The following ADCY2 variants were observed in gnomAD, a reference collection of about 807,000 sequenced individuals.
ADCY2 encodes adenylate cyclase type 2.
In ADCY2, 31 loss-of-function variants were observed where a neutral mutation model predicts 125.2. The observed-to-expected ratio is 0.25, with a 90% confidence interval of 0.19 to 0.33. The LOEUF is 0.33. Ranked by LOEUF, ADCY2 falls within the 10% of genes least tolerant of loss-of-function variation. The pLI, the probability that ADCY2 is intolerant of heterozygous loss-of-function variation, is 1.00. For missense variants in ADCY2, 904 were observed against 1,418.2 expected, an observed-to-expected ratio of 0.64 and a Z score of 5.82; for synonymous variants, 512 against 548.4, an observed-to-expected ratio of 0.93 and a Z score of 0.93.
At chr5:7,809,861 T>C (rs1561026290) in intron 22 of ADCY2, among the ~76,000 whole-genome samples, 1 of 152,270 alleles carries the variant, frequency 6.6e-6, no homozygotes. Flanking sequence ...TTGCATTACA[T>C]GTAAGAACTG....
At chr5:7,768,807 A>G (rs890995277) in intron 17 of ADCY2, among the ~76,000 whole-genome samples, 1 of 152,218 alleles carries the variant, frequency 6.6e-6, no homozygotes. Flanking sequence ...TATCTTTCCA[A>G]TCATGAGGCC....
intron 3 of ADCY2, among the ~76,000 whole-genome samples, chr5:7,569,263 G>C (rs1264117681): frequency 6.6e-6 from 1 of 152,090 alleles, no homozygotes; most frequent in African/African-American, 2.4e-5. Flanking sequence ...ACAGAATCTG[G>C]ATAACAGAGA....
intron 22 of ADCY2, among the ~76,000 whole-genome samples, chr5:7,816,149 G>A (rs1346860007): frequency 1.3e-5 from 2 of 152,170 alleles, no homozygotes; most frequent in Non-Finnish European, 2.9e-5. Flanking sequence ...GAGAGACTGG[G>A]GTTAGGACTT....
At chr5:7,627,754 C>G (rs1001452522) in intron 4 of ADCY2, among the ~76,000 whole-genome samples, 8 of 152,148 alleles carry the variant, frequency 5.3e-5, no homozygotes. Flanking sequence ...GGTAATCATT[C>G]TTTTTTGAAA....
At chr5:7,771,149 A>G (rs1743544895) in intron 17 of ADCY2, among the ~76,000 whole-genome samples, 1 of 152,158 alleles carries the variant, frequency 6.6e-6, no homozygotes. Context: ...TAAGGTGACA[A>G]GGGCTGAACT....
At chr5:7,651,244 G>A (rs1739078332) in intron 4 of ADCY2, among the ~76,000 whole-genome samples, 1 of 152,186 alleles carries the variant, frequency 6.6e-6, no homozygotes, top group Non-Finnish European at 1.5e-5. Context: ...TTTCATGTCT[G>A]TATTAGTCAG....
intron 2 of ADCY2, among the ~76,000 whole-genome samples, chr5:7,474,897 T>C (rs941844420): frequency 1.3e-5 from 2 of 152,218 alleles, no homozygotes; most frequent in African/African-American, 4.8e-5. Flanking sequence ...ATAACTCGGA[T>C]GATGCAGCCC....
chr5:7,727,222 T>C lies in ADCY2; in HGVS notation c.1832T>C (p.Phe611Ser), dbSNP rs2126401034. The change falls in exon 14 of 25, where the codon TTC becomes TCC. Residue 611 changes from phenylalanine to serine, a missense_variant. This residue lies in a region of ADCY2 where 221 missense variants were observed against 246.2 expected (regional missense o/e 0.90). Transcript: ENST00000338316. ...KYYVTCACLI[F>S]FCIFIVQILV... ...TATGTGACTTGTGCCTGTCTCATAT[T>C]CTTCTGCATCTTCATTGTGCAGATT... The C allele has an allele frequency of 6.2e-7, 1 of 1,614,208 alleles. No homozygotes were observed. The highest frequency in any genetic ancestry group is 8.5e-7 in the Non-Finnish European group (1 of 1,180,014).
At position 7,828,609 on chromosome 5, in the gene ADCY2, T is replaced by G. The variant is rs1391524191; in HGVS notation, c.*1738T>G. 6.6e-6 allele frequency: 1 copy of G among 152,336 alleles called. No homozygotes were observed. Among genetic ancestry groups the G allele is most frequent in the African/African-American group, 2.4e-5 (1 of 41,444 alleles). The allele number at this position is 152,336 out of a possible 1,614,324, so 9.4% of individuals were successfully genotyped here. A position where few individuals can be genotyped will look rare whatever the true frequency, so the allele number is the denominator to read the frequency against. ...AGCATGACTTATTTAGTATTCTGCCTCAATGGGGAATTTTTTGATCCTGTA... is the reference window on the plus strand; with the variant it reads ...AGCATGACTTATTTAGTATTCTGCCGCAATGGGGAATTTTTTGATCCTGTA... On this transcript the variant is annotated 3_prime_UTR_variant, in exon 25 of 25. Coordinates refer to ENST00000338316, the MANE Select transcript of ADCY2 (RefSeq NM_020546.3).
intron 3 of ADCY2, among the ~76,000 whole-genome samples, chr5:7,594,492 T>TAA (rs1736943797): frequency 6.6e-6 from 1 of 152,238 alleles, no homozygotes; most frequent in African/African-American, 2.4e-5. Flanking sequence ...TTTGAAACAA[T>TAA]AAACAGTATT....
At chr5:7,793,031 A>G (rs1277933624) in intron 20 of ADCY2, among the ~76,000 whole-genome samples, 1 of 152,106 alleles carries the variant, frequency 6.6e-6, no homozygotes, top group Non-Finnish European at 1.5e-5. Context: ...TGACTCCTCC[A>G]CTTCCCCTGT....
intron 2 of ADCY2, among the ~76,000 whole-genome samples, chr5:7,431,307 T>A (rs973517241): frequency 6.6e-6 from 1 of 152,190 alleles, no homozygotes; most frequent in Non-Finnish European, 1.5e-5. Flanking sequence ...TATAAGCTTA[T>A]CAGTAATAGT....
intron 23 of ADCY2, among the ~76,000 whole-genome samples, chr5:7,818,084 A>C (rs962260646): frequency 2.6e-5 from 4 of 152,154 alleles, no homozygotes; most frequent in Admixed American, 6.5e-5. Context: ...TTTTCTTGGC[A>C]ACACATTTTG....
At chr5:7,574,510 C>T (rs1296861507) in intron 3 of ADCY2, among the ~76,000 whole-genome samples, 2 of 152,176 alleles carry the variant, frequency 1.3e-5, no homozygotes, top group Non-Finnish European at 2.9e-5. Flanking sequence ...CATGGAGTAC[C>T]TGGCTCTGTC....
chr5:7,406,184 A>G (rs1043725008), intron 1 of ADCY2, among the ~76,000 whole-genome samples: 2 of 152,160 alleles, frequency 1.3e-5, no homozygotes, highest in African/African-American at 4.8e-5. Flanking sequence ...TGAAGAAAAT[A>G]TACATACTCC....
At chr5:7,687,740 G>A (rs1010838417) in intron 4 of ADCY2, among the ~76,000 whole-genome samples, 1 of 152,224 alleles carries the variant, frequency 6.6e-6, no homozygotes, top group Non-Finnish European at 1.5e-5. Flanking sequence ...AAGCAAGGAA[G>A]AAGGGAATAT....
chr5:7,434,351 A>G (rs982284505), intron 2 of ADCY2, among the ~76,000 whole-genome samples: 3 of 152,256 alleles, frequency 2.0e-5, no homozygotes, highest in African/African-American at 7.2e-5. Flanking sequence ...GGAATAAAGT[A>G]CATCTGCATA....
At chr5:7,545,262 A>G (rs1735112715) in intron 3 of ADCY2, among the ~76,000 whole-genome samples, 1 of 152,208 alleles carries the variant, frequency 6.6e-6, no homozygotes, top group Non-Finnish European at 1.5e-5. Context: ...TGGTGTCCTC[A>G]CGCATCCCTC....
intron 3 of ADCY2, among the ~76,000 whole-genome samples, chr5:7,541,154 G>A (rs1226789630): frequency 6.6e-6 from 1 of 152,160 alleles, no homozygotes; most frequent in African/African-American, 2.4e-5. Flanking sequence ...AAGCTCCTGA[G>A]TCACAATCCA....
Sources: gnomAD v4.1 joint callset for allele counts (sites outside exome capture counted in the v4.1 genomes callset) on GRCh38, gnomAD v4.1.1 for gene constraint, gnomAD v4.1.1 regional missense constraint, MANE v1.5 for transcripts, NCBI Gene and HGNC (gene_info 2026-07-23, HGNC 2026-07-21) for gene names.